The following MRPL44 variants were observed in gnomAD, a reference collection of about 807,000 sequenced individuals.
MRPL44 encodes mitochondrial ribosomal protein L44.
MRPL44 carries 21 observed loss-of-function variants against 25.9 expected under a neutral mutation model. The ratio of observed to expected loss-of-function variants is 0.81; its 90% CI spans 0.58 to 1.17. The LOEUF (loss-of-function observed/expected upper bound fraction) is 1.17. Among genes scored for constraint, MRPL44 ranks in the 50% most tolerant of loss-of-function variants. MRPL44 has a pLI of 0.00. For synonymous variants in MRPL44, 169 were observed against 151.0 expected, an observed-to-expected ratio of 1.12 and a Z score of -0.87; for missense variants, 410 against 398.9, an observed-to-expected ratio of 1.03 and a Z score of -0.24.
intron 1 of MRPL44, among the ~76,000 whole-genome samples, chr2:223,958,981 A>G (rs1399392533): frequency 6.6e-6 from 1 of 152,256 alleles, no homozygotes; most frequent in African/African-American, 2.4e-5. Flanking sequence ...TTGTAAAAAT[A>G]AAATGCAATA....
At chr2:223,954,554 A>G (rs185881090), upstream of MRPL44, among the ~76,000 whole-genome samples, 98 of 152,332 alleles carry the variant, frequency 6.4e-4, no homozygotes, top group Non-Finnish European at 1.1e-3. Flanking sequence ...GGAGGATCCA[A>G]TTCTAAGACA....
intron 2 of MRPL44, 86 bp downstream of exon 2, chr2:223,960,088 G>T: frequency 8.8e-7 from 1 of 1,142,490 alleles, no homozygotes. Flanking sequence ...TATCACCTTG[G>T]AAGTGAATTT....
Position 223,967,130 on chromosome 2 carries a change from G to C in MRPL44, c.*96G>C. The stretch of plus-strand genomic sequence containing the variant: ...ACATTTTCACAATTGTGAAGAAATA[G>C]ATGTTTTGTTTCTGTTTTTTACTGT... On this transcript the variant is annotated 3_prime_UTR_variant, in exon 4 of 4. Transcript: ENST00000258383. The C allele has an allele frequency of 8.3e-7, 1 of 1,199,154 alleles. No individual in the cohort carries two copies. Among genetic ancestry groups the C allele is most frequent in the Non-Finnish European group, 1.1e-6 (1 of 875,592 alleles). The allele number at this position is 1,199,154 out of a possible 1,614,324, so 74.3% of individuals were successfully genotyped here. A position where few individuals can be genotyped will look rare whatever the true frequency, so the allele number is the denominator to read the frequency against.
upstream of MRPL44, chr2:223,957,384 G>A (rs1689581661): frequency 3.9e-6 from 6 of 1,544,686 alleles, 1 homozygote; most frequent in South Asian, 6.7e-5. Flanking sequence ...TTCTCTTCGC[G>A]TTCCGCGTTC....
chr2:223,958,002 A>C (rs1040982897), intron 1 of MRPL44, among the ~76,000 whole-genome samples: 2 of 152,196 alleles, frequency 1.3e-5, no homozygotes, highest in Non-Finnish European at 2.9e-5. Context: ...AAAGCAGCCC[A>C]CAGCATCGTA....
At chr2:223,952,727 C>T (rs1322067208), upstream of MRPL44, among the ~76,000 whole-genome samples, 3 of 152,188 alleles carry the variant, frequency 2.0e-5, no homozygotes, top group African/African-American at 2.4e-5. Flanking sequence ...AGCCGAGTCT[C>T]ATCCAACCAC....
upstream of MRPL44, among the ~76,000 whole-genome samples, chr2:223,955,335 A>G (rs1689548340): frequency 6.6e-6 from 1 of 152,188 alleles, no homozygotes; most frequent in South Asian, 2.1e-4. Flanking sequence ...TTTTCATTCT[A>G]TGGTAATTAT....
chr2:223,960,399 A>C (rs370145633), intron 2 of MRPL44, among the ~76,000 whole-genome samples: 1 of 152,226 alleles, frequency 6.6e-6, no homozygotes, highest in African/African-American at 2.4e-5. Context: ...TTGGATTTCA[A>C]GTCCCTCTAA....
intron 1 of MRPL44, among the ~76,000 whole-genome samples, chr2:223,959,202 G>A (rs1419264346): frequency 1.3e-5 from 2 of 152,080 alleles, no homozygotes; most frequent in Admixed American, 6.6e-5. Context: ...TTCATACTTA[G>A]GTATAAAACA....
intron 2 of MRPL44, among the ~76,000 whole-genome samples, chr2:223,960,785 A>T (rs1689647215): frequency 6.6e-6 from 1 of 152,198 alleles, no homozygotes; most frequent in Non-Finnish European, 1.5e-5. Context: ...TTTCTATAGA[A>T]ATTCTGACAA....
intron 2 of MRPL44, among the ~76,000 whole-genome samples, chr2:223,960,759 T>A (rs1190221159): frequency 6.6e-6 from 1 of 152,178 alleles, no homozygotes; most frequent in Admixed American, 6.5e-5. Context: ...CCTATCTTTC[T>A]CCCCCCAGTT....
At position 223,967,381 on chromosome 2, in the gene MRPL44, C is replaced by T. The variant is rs190593678; in HGVS notation, c.*347C>T. 314 of 173,164 alleles carry T rather than the reference C, an allele frequency of 1.8e-3. 1 individual carries two copies. Among genetic ancestry groups the T allele is most frequent in the African/African-American group, 7.3e-3 (308 of 42,036 alleles). 10.7% of individuals were successfully genotyped at this position (173,164 alleles called of 1,614,324 possible). ...CCTAGTAGCTGGGATTACAGGCACA[C>T]ACCACCATACCTGGCTAATTTTTGT... On this transcript the variant is annotated 3_prime_UTR_variant, in exon 4 of 4. Transcript: ENST00000258383.
intron 1 of MRPL44, among the ~76,000 whole-genome samples, chr2:223,957,857 C>T (rs190274204): frequency 4.6e-5 from 7 of 152,258 alleles, no homozygotes; most frequent in African/African-American, 1.7e-4. Context: ...CTGTTCCCGA[C>T]GTTTTGAAAC....
At chr2:223,963,163 G>A (rs932911347) in intron 2 of MRPL44, among the ~76,000 whole-genome samples, 4 of 151,996 alleles carry the variant, frequency 2.6e-5, no homozygotes, top group Admixed American at 6.5e-5. Context: ...ATAAGATAGG[G>A]CAGGGTACGG....
At chr2:223,957,453 C>T (rs1434256054), upstream of MRPL44, 11 of 1,613,970 alleles carry the variant, frequency 6.8e-6, no homozygotes, top group East Asian at 1.3e-4. Context: ...GTTCCGTCTT[C>T]CATCGTTTTC....
chr2:223,964,159 T>C (rs1403549584), intron 3 of MRPL44, among the ~76,000 whole-genome samples: 1 of 152,252 alleles, frequency 6.6e-6, no homozygotes, highest in Admixed American at 6.5e-5. Context: ...AGGAAGAATC[T>C]GAGTTTTGCT....
the MRPL44 span, among the ~76,000 whole-genome samples, chr2:223,951,050 C>G: frequency 5.9e-5 from 9 of 152,128 alleles, no homozygotes; most frequent in Admixed American, 5.9e-4. Context: ...CTCCCCTTCC[C>G]CCTGACTCTA....
At chr2:223,953,283 C>T (rs1386994630), upstream of MRPL44, among the ~76,000 whole-genome samples, 1 of 151,970 alleles carries the variant, frequency 6.6e-6, no homozygotes, top group African/African-American at 2.4e-5. Context: ...TACAGGCACA[C>T]ACCACCATGT....
At chr2:223,960,034 T>C (rs766524599) in intron 2 of MRPL44, 32 bp downstream of exon 2, 1 of 1,478,308 alleles carries the variant, frequency 6.8e-7, no homozygotes, top group Non-Finnish European at 9.2e-7. Flanking sequence ...ATGCTTGAGA[T>C]AGACAGAAGG....
Sources: gnomAD v4.1 joint callset for allele counts (sites outside exome capture counted in the v4.1 genomes callset) on GRCh38, gnomAD v4.1.1 for gene constraint, MANE v1.5 for transcripts, NCBI Gene and HGNC (gene_info 2026-07-23, HGNC 2026-07-21) for gene names.